The following PHF3 variants were observed in gnomAD, a reference collection of about 807,000 sequenced individuals.
PHF3 encodes the protein PHD finger protein 3.
A neutral mutation model predicts 178.4 loss-of-function variants in PHF3; 41 were observed. That is an observed-to-expected ratio of 0.23 (90% CI 0.18 to 0.30). The LOEUF is 0.30. PHF3 is among the 10% of genes least tolerant of loss of function. The probability of loss-of-function intolerance (pLI) is 1.00; values close to 1 mark genes in which losing one functional copy is unlikely to be tolerated. For missense variants in PHF3, 2,346 were observed against 2,398.1 expected (o/e 0.98, Z 0.45); for synonymous variants, 842 against 800.5 (o/e 1.05, Z -0.88).
chr6:63,703,678 G>T lies in PHF3; in HGVS notation c.3367+7G>T. On this transcript the variant is annotated splice_region_variant and intron_variant, in intron 11 of 15. Transcript: ENST00000262043. ...AACTGCAAAATCTGCATAGGTAATT[G>T]GAAGTTTTTCTTCGTAAAATTTTGC... 6.3e-7 allele frequency: 1 copy of T among 1,584,220 alleles called. No individual in the cohort carries two copies. Among genetic ancestry groups the T allele is most frequent in the South Asian group, 1.2e-5 (1 of 85,320 alleles).
chr6:63,688,397 G>A (rs1404389210), intron 4 of PHF3, among the ~76,000 whole-genome samples: 2 of 132,016 alleles, frequency 1.5e-5, no homozygotes, highest in African/African-American at 2.9e-5. Context: ...GAGCAGTGGT[G>A]TGATCTTGGC....
At chr6:63,671,551 T>TG (rs1312894840) in intron 2 of PHF3, among the ~76,000 whole-genome samples, 1 of 152,204 alleles carries the variant, frequency 6.6e-6, no homozygotes, top group Non-Finnish European at 1.5e-5. Flanking sequence ...AGCTGCATGC[T>TG]GAGGTACTCG....
intron 2 of PHF3, among the ~76,000 whole-genome samples, chr6:63,668,166 G>C (rs1392557218): frequency 1.3e-5 from 2 of 152,180 alleles, no homozygotes; most frequent in African/African-American, 4.8e-5. Context: ...GTAAGGGAAA[G>C]TTTTGTTTCA....
rs138087715 is a variant in PHF3 at position 63,645,405 on chromosome 6, T to A, written c.-25-1122T>A. On this transcript the variant is annotated intron_variant, in intron 1 of 15. Coordinates refer to ENST00000262043, the MANE Select transcript of PHF3 (RefSeq NM_001370348.2). ...CTGTTTATTATTGGGGCTTAAATTA[T>A]ATAAATGTTGGTTAAATGTTTTGTA... 8.0e-3 allele frequency among the ~76,000 whole-genome samples: 1,221 copies of A among 152,316 alleles called. 11 individuals are homozygous for A. Among genetic ancestry groups the A allele is most frequent in the Middle Eastern group, 0.017 (5 of 294 alleles).
At chr6:63,707,009 A>G (rs1421045452) in intron 13 of PHF3, 133 bp downstream of exon 13, 6 of 735,170 alleles carry the variant, frequency 8.2e-6, no homozygotes, top group African/African-American at 7.2e-5. Context: ...TCCAAGTAAT[A>G]TAATTATGAA....
At chr6:63,662,188 A>G (rs1025837294) in intron 2 of PHF3, among the ~76,000 whole-genome samples, 3 of 152,154 alleles carry the variant, frequency 2.0e-5, no homozygotes, top group South Asian at 2.1e-4. Context: ...ATTGTCTTCC[A>G]TGAAACTGGT....
chr6:63,644,206 A>C (rs1282577248), intron 1 of PHF3, among the ~76,000 whole-genome samples: 1 of 152,112 alleles, frequency 6.6e-6, no homozygotes, highest in Non-Finnish European at 1.5e-5. Context: ...TTTCTTTTTG[A>C]TTGATCTGAG....
chr6:63,687,123 A>T (rs1389826459), intron 4 of PHF3, among the ~76,000 whole-genome samples: 1 of 152,162 alleles, frequency 6.6e-6, no homozygotes, highest in Non-Finnish European at 1.5e-5. Context: ...TTTTTTATTT[A>T]AAACACCTTA....
intron 2 of PHF3, 88 bp downstream of exon 2, chr6:63,646,883 T>TA: frequency 4.3e-5 from 44 of 1,017,728 alleles, no homozygotes; most frequent in East Asian, 1.5e-4. Context: ...TTTCTTTTTT[T>TA]CTTTTTTTTT....
At chr6:63,644,688 C>T (rs929593765) in intron 1 of PHF3, among the ~76,000 whole-genome samples, 2 of 151,778 alleles carry the variant, frequency 1.3e-5, no homozygotes, top group Non-Finnish European at 2.9e-5. Flanking sequence ...AGGACATTAA[C>T]TTTTGTGAGA....
intron 2 of PHF3, among the ~76,000 whole-genome samples, chr6:63,660,623 A>G (rs926710118): frequency 5.9e-5 from 9 of 152,150 alleles, no homozygotes; most frequent in Non-Finnish European, 4.4e-5. Context: ...AAGTCTAGTT[A>G]TTTAACATAA....
intron 1 of PHF3, among the ~76,000 whole-genome samples, chr6:63,645,502 G>T (rs914526809): frequency 6.6e-6 from 1 of 152,142 alleles, no homozygotes; most frequent in Admixed American, 6.6e-5. Context: ...TAGGGGGAGA[G>T]AATTCAAGAC....
In PHF3 at chr6:63,725,924, G is replaced by C. The variant is rs1351525117; in HGVS notation, c.*12216G>C. Among the ~76,000 whole-genome samples the C allele has an allele frequency of 6.6e-6, 1 of 152,126 alleles. No homozygotes were observed. The highest frequency in any genetic ancestry group is 1.5e-5 in the Non-Finnish European group (1 of 67,988). On this transcript the variant is annotated 3_prime_UTR_variant, in exon 16 of 16. Transcript: ENST00000262043. ...CAATAGAGATGTAACTATATGTGCA[G>C]ATGTCTTTGTCAGAATTTTGGAGAA...
At chr6:63,638,231 A>G (rs927366887) in intron 1 of PHF3, among the ~76,000 whole-genome samples, 1 of 152,166 alleles carries the variant, frequency 6.6e-6, no homozygotes, top group African/African-American at 2.4e-5. Context: ...TCTTTGACTT[A>G]TGTAATGTAT....
rs184218044 is a variant in PHF3, at chr6:63,672,578, A to G, written c.245-7422A>G. ...GATACTCCTTTAATGAAATTAGAAG[A>G]TCATGTTTTATGGTTAGGTTTCTAC... is the stretch of plus-strand genomic sequence containing the variant. On this transcript the variant is annotated intron_variant, in intron 2 of 15. Transcript: ENST00000262043. Among the ~76,000 whole-genome samples, 18 of 152,326 alleles carry G rather than the reference A, an allele frequency of 1.2e-4. No homozygotes were observed. The East Asian group carries it at 3.3e-3, about 28-fold the overall frequency.
intron 4 of PHF3, 134 bp downstream of exon 4, chr6:63,686,045 T>G: frequency 1.6e-6 from 1 of 615,220 alleles, no homozygotes; most frequent in Non-Finnish European, 2.8e-6. Flanking sequence ...AAAAGCTTCA[T>G]CAGTCTTGGA....
chr6:63,640,081 T>C (rs74811844), intron 1 of PHF3, among the ~76,000 whole-genome samples: 4,815 of 152,330 alleles, frequency 0.032, 106 homozygotes, highest in South Asian at 0.094. Flanking sequence ...TTTTACCAGA[T>C]ACATTTAGAA....
intron 2 of PHF3, among the ~76,000 whole-genome samples, chr6:63,670,698 C>G (rs1273523416): frequency 6.6e-6 from 1 of 152,176 alleles, no homozygotes; most frequent in Non-Finnish European, 1.5e-5. Context: ...TTTGTATGCA[C>G]TCATGCATTT....
In PHF3 at chr6:63,673,747, T is replaced by C. The variant is rs527443355; in HGVS notation, c.245-6253T>C. Reference sequence around the variant, plus strand: ...TCTAAGCAAAAGCATCCCAATACCTTACAACTGAAAGTCTAACCTACCAGG... The same window carrying C: ...TCTAAGCAAAAGCATCCCAATACCTCACAACTGAAAGTCTAACCTACCAGG... On this transcript the variant is annotated intron_variant, in intron 2 of 15. Coordinates refer to ENST00000262043, the MANE Select transcript of PHF3 (RefSeq NM_001370348.2). Among the ~76,000 whole-genome samples the C allele has an allele frequency of 3.9e-5, 6 of 152,272 alleles. No homozygotes were observed. The East Asian group carries it at 1.2e-3, about 29-fold the overall frequency.
Sources: allele counts gnomAD v4.1 joint callset (sites outside exome capture counted in the v4.1 genomes callset), GRCh38; gene constraint gnomAD v4.1.1; transcripts MANE v1.5; gene names NCBI Gene and HGNC (gene_info 2026-07-23, HGNC 2026-07-21).